FRMPD4: variants seen among roughly 807,000 people sequenced by gnomAD.
The protein encoded by FRMPD4 is FERM and PDZ domain-containing protein 4.
Under a neutral mutation model 94.1 loss-of-function variants are expected in FRMPD4, and 22 were observed. That is an observed-to-expected ratio of 0.23 (90% CI 0.17 to 0.33). The LOEUF is 0.33. Among genes scored for constraint, FRMPD4 ranks in the 10% least tolerant of loss-of-function variants. The probability of loss-of-function intolerance (pLI) is 1.00; values close to 1 mark genes in which losing one functional copy is unlikely to be tolerated. For missense variants in FRMPD4, 1,111 were observed against 1,339.9 expected (o/e 0.83, Z 2.67); for synonymous variants, 631 against 548.6 (o/e 1.15, Z -2.10).
At chrX:12,392,785 A>G (rs1299723408) in intron 1 of FRMPD4, among the ~76,000 whole-genome samples, 4 of 111,890 alleles carry the variant, frequency 3.6e-5, no homozygotes, top group African/African-American at 1.3e-4. Flanking sequence ...TCTGCTTCCC[A>G]TATCCTAGAG....
intron 1 of FRMPD4, among the ~76,000 whole-genome samples, chrX:12,439,318 T>C (rs1268023486): frequency 1.8e-5 from 2 of 111,610 alleles, no homozygotes. Flanking sequence ...CTCTGTGACC[T>C]AGGGGTCTCT....
At chrX:12,358,495 T>C (rs1172347184) in intron 1 of FRMPD4, among the ~76,000 whole-genome samples, 1 of 111,498 alleles carries the variant, frequency 9.0e-6, no homozygotes, top group Non-Finnish European at 1.9e-5. Context: ...AACTGCAGGA[T>C]TGCACAGTAA....
intron 1 of FRMPD4, among the ~76,000 whole-genome samples, chrX:12,419,687 T>C (rs1335220450): frequency 9.0e-6 from 1 of 111,177 alleles, no homozygotes; most frequent in Non-Finnish European, 1.9e-5. Context: ...ACTGAACCTA[T>C]TTGCTCCAAG....
intron 3 of FRMPD4, among the ~76,000 whole-genome samples, chrX:12,096,202 T>C (rs1191622453): frequency 8.9e-6 from 1 of 112,323 alleles, no homozygotes; most frequent in African/African-American, 3.2e-5. Flanking sequence ...CTGAACCCTA[T>C]ATTTTGTTAC....
intron 1 of FRMPD4, among the ~76,000 whole-genome samples, chrX:12,405,370 CTTTT>C (rs971733023): frequency 3.5e-4 from 38 of 107,908 alleles, no homozygotes; most frequent in African/African-American, 1.0e-3. Flanking sequence ...AAATTCTGAA[CTTTT>C]TTTTTTAATT....
intron 1 of FRMPD4, among the ~76,000 whole-genome samples, chrX:12,329,870 A>C (rs2055344932): frequency 2.7e-5 from 3 of 109,367 alleles, no homozygotes; most frequent in Admixed American, 9.8e-5. Context: ...AAAAAAAAAA[A>C]AAAACAACAA....
intron 1 of FRMPD4, among the ~76,000 whole-genome samples, chrX:12,146,881 T>G (rs1370881137): frequency 1.8e-5 from 2 of 112,322 alleles, no homozygotes; most frequent in African/African-American, 6.5e-5. Flanking sequence ...CTATCTCATC[T>G]TCAGTATGCT....
intron 1 of FRMPD4, among the ~76,000 whole-genome samples, chrX:12,333,004 A>G (rs2055455574): frequency 8.9e-6 from 1 of 111,983 alleles, no homozygotes; most frequent in African/African-American, 3.2e-5. Context: ...GTGGTTTCCC[A>G]TCGTACTAAG....
intron 3 of FRMPD4, among the ~76,000 whole-genome samples, chrX:11,900,451 G>C (rs1459127171): frequency 1.8e-5 from 2 of 111,965 alleles, no homozygotes; most frequent in Non-Finnish European, 3.8e-5. Flanking sequence ...CCTGGCAACT[G>C]TTTCTGTATT....
intron 1 of FRMPD4, among the ~76,000 whole-genome samples, chrX:12,452,317 A>G (rs2057282285): frequency 8.9e-6 from 1 of 112,492 alleles, no homozygotes; most frequent in African/African-American, 3.2e-5. Flanking sequence ...ATGGATATCC[A>G]TCTACTTTGT....
intron 4 of FRMPD4, among the ~76,000 whole-genome samples, chrX:12,651,152 G>A (rs146910607): frequency 1.8e-5 from 2 of 112,156 alleles, no homozygotes; most frequent in Admixed American, 9.4e-5. Context: ...GATGCTTCAC[G>A]GACAAGGGCG....
At chrX:12,485,092 G>A (rs2057725750) in intron 1 of FRMPD4, among the ~76,000 whole-genome samples, 1 of 112,293 alleles carries the variant, frequency 8.9e-6, no homozygotes, top group African/African-American at 3.2e-5. Context: ...CTGGGCCAAG[G>A]CCACCGGATG....
chrX:12,480,760 G>A (rs374929353), intron 1 of FRMPD4, among the ~76,000 whole-genome samples: 5 of 112,399 alleles, frequency 4.4e-5, no homozygotes, highest in South Asian at 7.4e-4. Flanking sequence ...TGGATTGGAC[G>A]ATCGCGTTTC....
intron 1 of FRMPD4, among the ~76,000 whole-genome samples, chrX:12,300,540 A>T (rs956241072): frequency 2.7e-5 from 3 of 112,422 alleles, no homozygotes; most frequent in African/African-American, 9.7e-5. Flanking sequence ...AGTAAAGGAC[A>T]TGTTAGATTT....
chrX:12,190,603 T>C (rs753658288), intron 1 of FRMPD4, among the ~76,000 whole-genome samples: 16 of 109,348 alleles, frequency 1.5e-4, no homozygotes, highest in Non-Finnish European at 2.9e-4. Flanking sequence ...ATTAGTCACC[T>C]GATCTTTGAC....
intron 4 of FRMPD4, among the ~76,000 whole-genome samples, chrX:12,659,926 A>T (rs2148485306): frequency 8.9e-6 from 1 of 112,478 alleles, no homozygotes; most frequent in East Asian, 2.8e-4. Context: ...TCTTAGCAGT[A>T]GTTTCCAAAT....
chrX:12,325,728 A>G (rs1465786044), intron 1 of FRMPD4, among the ~76,000 whole-genome samples: 1 of 112,409 alleles, frequency 8.9e-6, no homozygotes, highest in Non-Finnish European at 1.9e-5. Context: ...AAGCTCTAAA[A>G]TGCAGACCCT....
At chrX:12,495,211 C>T (rs1602023905) in intron 1 of FRMPD4, 1 of 115,376 alleles carries the variant, frequency 8.7e-6, no homozygotes, top group East Asian at 2.8e-4. Context: ...ATGACCAAGC[C>T]TTTCACTGTC....
intron 4 of FRMPD4, among the ~76,000 whole-genome samples, chrX:12,636,782 T>C (rs937570584): frequency 3.6e-5 from 4 of 112,208 alleles, no homozygotes; most frequent in African/African-American, 9.7e-5. Context: ...TTTAAGTATA[T>C]TGGATATATT....
Sources: allele counts gnomAD v4.1 joint callset (sites outside exome capture counted in the v4.1 genomes callset), GRCh38; gene constraint gnomAD v4.1.1; transcripts MANE v1.5; gene names NCBI Gene and HGNC (gene_info 2026-07-23, HGNC 2026-07-21).